The following NALF1 variants were observed in gnomAD, a reference collection of about 807,000 sequenced individuals.
The protein encoded by NALF1 is family with sequence similarity 155 member A.
Under a neutral mutation model 48.4 loss-of-function variants are expected in NALF1, and 3 were observed. The observed-to-expected ratio is 0.06, with a 90% CI of 0.03 to 0.16. The LOEUF (loss-of-function observed/expected upper bound fraction) is 0.16, where lower values mean the gene tolerates loss of function less well. Ranked by LOEUF, NALF1 falls within the 10% of genes least tolerant of loss-of-function variation. The pLI is 1.00. For synonymous variants in NALF1, 262 were observed against 245.7 expected, an observed-to-expected ratio of 1.07 and a Z score of -0.62; for missense variants, 526 against 571.5, an observed-to-expected ratio of 0.92 and a Z score of 0.81.
At chr13:107,343,398 G>T (rs540372633) in intron 1 of NALF1, among the ~76,000 whole-genome samples, 2 of 152,158 alleles carry the variant, frequency 1.3e-5, no homozygotes, top group African/African-American at 4.8e-5. Flanking sequence ...ATCATGGGGG[G>T]CAGGTCTTTC....
intron 1 of NALF1, among the ~76,000 whole-genome samples, chr13:107,608,264 C>T (rs1445712329): frequency 6.6e-6 from 1 of 152,072 alleles, no homozygotes; most frequent in East Asian, 1.9e-4. Context: ...ACCCAGGACA[C>T]GTGGAGAAGG....
rs142263586 is a variant in NALF1, at chr13:107,437,196, A to C, written c.916-226441T>G. Among the ~76,000 whole-genome samples, 163 of 152,270 alleles carry C rather than the reference A, an allele frequency of 1.1e-3. No individual in the cohort carries two copies. In the East Asian group the frequency reaches 0.024, roughly 22 times the overall value. ...TAAAAGCACAATGAAACACCATCAC[A>C]TACTCAACAAAAGGGCAATATTTAA... On this transcript the variant is annotated intron_variant, in intron 1 of 2. Transcript: ENST00000375915.
At chr13:107,277,274 A>G (rs1002940676) in intron 1 of NALF1, among the ~76,000 whole-genome samples, 1 of 152,198 alleles carries the variant, frequency 6.6e-6, no homozygotes, top group Non-Finnish European at 1.5e-5. Context: ...GTCTATATAA[A>G]TAATTATCCT....
intron 1 of NALF1, among the ~76,000 whole-genome samples, chr13:107,426,641 T>C (rs1359926486): frequency 1.3e-5 from 2 of 152,202 alleles, no homozygotes; most frequent in Non-Finnish European, 2.9e-5. Flanking sequence ...AACTAAAGAA[T>C]GTGGCCTCCA....
At chr13:107,460,468 C>A (rs1594074655) in intron 1 of NALF1, among the ~76,000 whole-genome samples, 1 of 152,212 alleles carries the variant, frequency 6.6e-6, no homozygotes, top group Non-Finnish European at 1.5e-5. Context: ...TGCTCAGTCC[C>A]AATGTGCTGA....
intron 1 of NALF1, among the ~76,000 whole-genome samples, chr13:107,828,271 C>T (rs1879581885): frequency 2.0e-5 from 3 of 152,188 alleles, no homozygotes; most frequent in South Asian, 4.2e-4. Context: ...TGTTATCTGG[C>T]CCATATCCAC....
At chr13:107,655,136 A>C (rs1174743879) in intron 1 of NALF1, among the ~76,000 whole-genome samples, 1 of 152,128 alleles carries the variant, frequency 6.6e-6, no homozygotes, top group Non-Finnish European at 1.5e-5. Context: ...ATAGTACTGG[A>C]AGTCCTAGCC....
chr13:107,401,576 A>T (rs1883808258), intron 1 of NALF1, among the ~76,000 whole-genome samples: 1 of 152,208 alleles, frequency 6.6e-6, no homozygotes, highest in South Asian at 2.1e-4. Context: ...TTTCTATGAC[A>T]GGCTTTTCTC....
chr13:107,308,255 C>G lies in NALF1; in HGVS notation c.916-97500G>C, dbSNP rs1455935377. 4.7e-4 allele frequency among the ~76,000 whole-genome samples: 64 copies of G among 135,428 alleles called. No individual in the cohort carries two copies. The Middle Eastern group carries it at 0.02, about 43-fold the overall frequency. 88.8% of individuals were successfully genotyped at this position (135,428 alleles called of 152,430 possible). ...CTCACTCTGTCGCCCAGGCTGGAGT[C>G]CAGTGGCGTGACCTCGGCTCACTGC... On this transcript the variant is annotated intron_variant, in intron 1 of 2. Transcript: ENST00000375915.
chr13:107,668,976 G>A (rs1319589284), intron 1 of NALF1, among the ~76,000 whole-genome samples: 4 of 152,004 alleles, frequency 2.6e-5, no homozygotes, highest in African/African-American at 9.7e-5. Flanking sequence ...TCAGAAATCA[G>A]TAAACCGTCC....
chr13:107,824,210 T>C (rs1039473497), intron 1 of NALF1, among the ~76,000 whole-genome samples: 1 of 152,074 alleles, frequency 6.6e-6, no homozygotes, highest in Admixed American at 6.6e-5. Context: ...TGATTGTTAA[T>C]ATAGGGACCA....
chr13:107,808,971 T>G (rs1878901247), intron 1 of NALF1, among the ~76,000 whole-genome samples: 1 of 152,120 alleles, frequency 6.6e-6, no homozygotes, highest in African/African-American at 2.4e-5. Flanking sequence ...AGAATAGGGC[T>G]AACAAACCTT....
chr13:107,353,143 C>T lies in NALF1; in HGVS notation c.916-142388G>A, dbSNP rs183056505. On this transcript the variant is annotated intron_variant, in intron 1 of 2. Transcript: ENST00000375915. Reference sequence around the variant, plus strand: ...AAATTGTCTGCAGTCCTCATCCCCCCACTTCCCTACGGAAAAGGGTACATA... The same window carrying T: ...AAATTGTCTGCAGTCCTCATCCCCCTACTTCCCTACGGAAAAGGGTACATA... Among the ~76,000 whole-genome samples, 294 of 152,264 alleles carry T rather than the reference C, an allele frequency of 1.9e-3. 1 individual carries two copies. Among genetic ancestry groups the T allele is most frequent in the Non-Finnish European group, 2.9e-3 (199 of 68,028 alleles).
At chr13:107,321,551 A>AT (rs920791549) in intron 1 of NALF1, among the ~76,000 whole-genome samples, 28 of 152,162 alleles carry the variant, frequency 1.8e-4, no homozygotes, top group Non-Finnish European at 3.1e-4. Context: ...GATATTTGCC[A>AT]TTTTTTTCTA....
At chr13:107,312,317 C>T (rs1032027311) in intron 1 of NALF1, among the ~76,000 whole-genome samples, 3 of 151,820 alleles carry the variant, frequency 2.0e-5, no homozygotes, top group Non-Finnish European at 4.4e-5. Flanking sequence ...CAAACGATCA[C>T]GAGGTCAAAA....
intron 1 of NALF1, among the ~76,000 whole-genome samples, chr13:107,846,564 A>G (rs79657283): frequency 0.019 from 2,901 of 152,280 alleles, 49 homozygotes; most frequent in African/African-American, 0.046. Flanking sequence ...TAAATGTGTA[A>G]TGAGGATAGG....
chr13:107,175,111 G>C (rs1233350784), intron 2 of NALF1, among the ~76,000 whole-genome samples: 1 of 137,252 alleles, frequency 7.3e-6, no homozygotes, highest in Non-Finnish European at 1.6e-5. Context: ...GGATGTTCTC[G>C]ATCTCCTGAC....
intron 1 of NALF1, among the ~76,000 whole-genome samples, chr13:107,576,265 T>G (rs776213943): frequency 6.6e-6 from 1 of 152,200 alleles, no homozygotes; most frequent in African/African-American, 2.4e-5. Context: ...AACCATTGAA[T>G]TGCTAATTTA....
chr13:107,335,064 C>A (rs921338121), intron 1 of NALF1, among the ~76,000 whole-genome samples: 2 of 152,098 alleles, frequency 1.3e-5, no homozygotes, highest in Non-Finnish European at 2.9e-5. Context: ...CTCAATACCA[C>A]GGTCAGGATG....
Sources: gnomAD v4.1 joint callset for allele counts (sites outside exome capture counted in the v4.1 genomes callset) on GRCh38, gnomAD v4.1.1 for gene constraint, MANE v1.5 for transcripts, NCBI Gene and HGNC (gene_info 2026-07-23, HGNC 2026-07-21) for gene names.